DDX39B: variants seen among roughly 807,000 people sequenced by gnomAD.
DDX39B encodes the protein DExD-box helicase 39B.
Under a neutral mutation model 46.4 loss-of-function variants are expected in DDX39B, and 6 were observed. That is an observed-to-expected ratio of 0.13 (90% confidence interval 0.07 to 0.26). The LOEUF is 0.26. Among genes scored for constraint, DDX39B ranks in the 10% least tolerant of loss-of-function variants. The pLI is 1.00. For synonymous variants in DDX39B, 174 were observed against 199.4 expected (o/e 0.87, Z 1.07); for missense variants, 185 against 553.4 (o/e 0.33, Z 6.68).
chr6:31,532,684 C>A (rs1767305988), intron 7 of DDX39B, 96 bp downstream of exon 7: 3 of 1,480,994 alleles, frequency 2.0e-6, no homozygotes, highest in Non-Finnish European at 1.9e-6. Context: ...CCACATCACA[C>A]ATGTGATTTC....
rs1195587750 is a variant in DDX39B at position 31,535,345 on chromosome 6, G to C, written c.735+22C>G. 2.5e-6 allele frequency: 4 copies of C among 1,607,636 alleles called. No individual in the cohort carries two copies. The highest frequency in any genetic ancestry group is 2.2e-5 in the East Asian group (1 of 44,836). On this transcript the variant is annotated intron_variant, in intron 6 of 10. Transcript: ENST00000396172. The surrounding 1 kb of genome is among the most constrained non-coding windows in gnomAD (Gnocchi z 4.6). ...AGGCAGCGGGCGGGGAGTGGAGGGA[G>C]AGAAGGTAGAAGGGTATTTACATCT...
In DDX39B at chr6:31,535,218, TG is replaced by T. The variant is rs1767652174; in HGVS notation, c.735+148del. On this transcript the variant is annotated intron_variant, in intron 6 of 10. Transcript: ENST00000396172. The surrounding 1 kb of genome is among the most constrained non-coding windows in gnomAD (Gnocchi z 4.6). ...CCCTAACACTAGCTGTCTCTGCTTC[TG>T]TATGTCTCTTCAAGGAGTCATTACT... 1 of 751,586 alleles carries T rather than the reference TG, an allele frequency of 1.3e-6. No individual in the cohort carries two copies. The highest frequency in any genetic ancestry group is 2.0e-5 in the Admixed American group (1 of 49,526). 46.6% of individuals were successfully genotyped at this position (751,586 alleles called of 1,614,324 possible).
At chr6:31,538,243 C>T (rs1016071209) in intron 4 of DDX39B, among the ~76,000 whole-genome samples, 4 of 151,990 alleles carry the variant, frequency 2.6e-5, no homozygotes, top group African/African-American at 9.7e-5. Flanking sequence ...ACAACCTCTG[C>T]TTCCTGGGTT....
rs1767627038 is a variant in DDX39B at position 31,535,032 on chromosome 6, T to C, written c.735+335A>G. ...AGGGTGCGTGGCTGTAGGGTGCATG[T>C]AAGAGACGATGGATGGGTGGGTGGT... On this transcript the variant is annotated intron_variant, in intron 6 of 10. Coordinates refer to ENST00000396172, the MANE Select transcript of DDX39B (RefSeq NM_004640.7). This position sits in a 1 kb window ranked among gnomAD's most constrained non-coding sequence, Gnocchi z 4.6. 4 of 396,782 alleles carry C rather than the reference T, an allele frequency of 1.0e-5. No individual in the cohort carries two copies. Among genetic ancestry groups the C allele is most frequent in the Non-Finnish European group, 1.9e-5 (4 of 209,558 alleles). The allele number at this position is 396,782 out of a possible 1,614,324, so 24.6% of individuals were successfully genotyped here.
At position 31,539,288 on chromosome 6, in the gene DDX39B, G is replaced by C. The variant is rs775426504; in HGVS notation, c.212-14C>G. 3.1e-6 allele frequency: 5 copies of C among 1,606,820 alleles called. No homozygotes were observed. Among genetic ancestry groups the C allele is most frequent in the Non-Finnish European group, 4.3e-6 (5 of 1,174,900 alleles). ...ACTCATGCTGGACTAAAAGTTGGGGGGGGAGGAAGATAAATTAGACTTCAG... is the reference window on the plus strand; with the variant it reads ...ACTCATGCTGGACTAAAAGTTGGGGCGGGAGGAAGATAAATTAGACTTCAG... On this transcript the variant is annotated splice_polypyrimidine_tract_variant and intron_variant, in intron 2 of 10. Coordinates refer to ENST00000396172, the MANE Select transcript of DDX39B (RefSeq NM_004640.7).
intron 4 of DDX39B, among the ~76,000 whole-genome samples, chr6:31,537,620 GT>G (rs1767928301): frequency 6.6e-6 from 1 of 152,188 alleles, no homozygotes; most frequent in South Asian, 2.1e-4. Context: ...GTGAATAGTT[GT>G]TTGGGGATCT....
intron 1 of DDX39B, chr6:31,541,175 T>C (rs373928218): frequency 2.2e-5 from 12 of 533,538 alleles, no homozygotes; most frequent in Admixed American, 9.7e-5. Flanking sequence ...AAACATCATA[T>C]GGCCGCCGTC....
At position 31,534,871 on chromosome 6, in the gene DDX39B, G is replaced by A. The variant is rs1469909167; in HGVS notation, c.735+496C>T. The A allele has an allele frequency of 3.4e-5, 9 of 267,586 alleles. No individual in the cohort carries two copies. The highest frequency in any genetic ancestry group is 6.0e-5 in the Non-Finnish European group (8 of 134,244). 16.6% of individuals were successfully genotyped at this position (267,586 alleles called of 1,614,324 possible). A position where few individuals can be genotyped will look rare whatever the true frequency, so the allele number is the denominator to read the frequency against. On this transcript the variant is annotated intron_variant, in intron 6 of 10. Coordinates refer to ENST00000396172, the MANE Select transcript of DDX39B (RefSeq NM_004640.7). The surrounding 1 kb of genome is among the most constrained non-coding windows in gnomAD (Gnocchi z 5.1). ...CCCCCACCCCTGGAGGTGGGGAAGG[G>A]GAGGATTCATTTGTGCTGATGCTCT...
chr6:31,531,348 C>A lies in DDX39B; in HGVS notation c.925G>T (p.Glu309Ter). The A allele has an allele frequency of 6.2e-7, 1 of 1,614,146 alleles. No individual in the cohort carries two copies. The highest frequency in any genetic ancestry group is 8.5e-7 in the Non-Finnish European group (1 of 1,180,022). The change falls in exon 8 of 11, where the codon GAG (glutamate) becomes TAG (stop). Residue 309 changes from glutamate to a stop codon, truncating the protein, a stop_gained. Coordinates refer to ENST00000396172, the MANE Select transcript of DDX39B (RefSeq NM_004640.7). LOFTEE classifies it high-confidence loss of function. This position sits in a 1 kb window ranked among gnomAD's most constrained non-coding sequence, Gnocchi z 5.8. ...RCIALAQLLV[E>*]QNFPAIAIHR... is the part of the protein sequence containing the mutation. ...ATGGCAATGGCTGGGAAGTTCTGCT[C>A]CACTAGTAGCTGGGCCAAGGCAATG...
Position 31,535,337 on chromosome 6 carries a change from T to A in DDX39B, c.735+30A>T. The A allele has an allele frequency of 6.3e-7, 1 of 1,596,680 alleles. No homozygotes were observed. On this transcript the variant is annotated intron_variant, in intron 6 of 10. Transcript: ENST00000396172. This position sits in a 1 kb window ranked among gnomAD's most constrained non-coding sequence, Gnocchi z 4.6. ...AGGGGAGGAGGCAGCGGGCGGGGAGTGGAGGGAGAGAAGGTAGAAGGGTAT... is the reference window on the plus strand; with the variant it reads ...AGGGGAGGAGGCAGCGGGCGGGGAGAGGAGGGAGAGAAGGTAGAAGGGTAT...
intron 1 of DDX39B, chr6:31,541,665 A>G: frequency 4.0e-6 from 2 of 497,488 alleles, no homozygotes. Flanking sequence ...GCCGCCTCTC[A>G]TTGATGCTGA....
At chr6:31,541,441 T>C in intron 1 of DDX39B, 1 of 370,560 alleles carries the variant, frequency 2.7e-6, no homozygotes, top group Non-Finnish European at 5.5e-6. Flanking sequence ...GAGACTCCTT[T>C]TGGAGAAACA....
At chr6:31,541,266 G>T (rs77639798) in intron 1 of DDX39B, 44,441 of 525,760 alleles carry the variant, frequency 0.085, 2,426 homozygotes, top group Non-Finnish European at 0.11. Flanking sequence ...ATTAGCATGG[G>T]GGGGAGGGGC....
chr6:31,539,985 CCT>C (rs3216813), intron 2 of DDX39B, among the ~76,000 whole-genome samples: 120,243 of 151,970 alleles, frequency 0.79, 47,794 homozygotes, highest in East Asian at 0.86. Context: ...ATACTTATCC[CCT>C]GATTTTTTCT....
chr6:31,541,839 G>A (rs1413953770), intron 1 of DDX39B, 111 bp downstream of exon 1: 3 of 645,138 alleles, frequency 4.7e-6, no homozygotes, highest in Non-Finnish European at 8.6e-6. Flanking sequence ...GAACCAACTA[G>A]GCCCCAGCGA....
At chr6:31,541,807 G>A in intron 1 of DDX39B, 143 bp downstream of exon 1, 2 of 662,730 alleles carry the variant, frequency 3.0e-6, no homozygotes, top group South Asian at 1.6e-5. Flanking sequence ...CTCTCGAAAG[G>A]GATGCAAGCT....
rs796787843 is a variant in DDX39B at position 31,535,233 on chromosome 6, G to T, written c.735+134C>A. 3.3e-5 allele frequency: 27 copies of T among 809,822 alleles called. No individual in the cohort carries two copies. The African/African-American group carries it at 4.4e-4, about 13-fold the overall frequency. The allele number at this position is 809,822 out of a possible 1,614,324, so 50.2% of individuals were successfully genotyped here. ...TCTCTGCTTCTGTATGTCTCTTCAA[G>T]GAGTCATTACTCCCAGTTGGGCACA... On this transcript the variant is annotated intron_variant, in intron 6 of 10. Transcript: ENST00000396172. The surrounding 1 kb of genome is among the most constrained non-coding windows in gnomAD (Gnocchi z 4.6).
chr6:31,541,952 A>G lies in DDX39B; in HGVS notation c.-135T>C. 1 of 667,538 alleles carries G rather than the reference A, an allele frequency of 1.5e-6. No individual in the cohort carries two copies. Among genetic ancestry groups the G allele is most frequent in the Non-Finnish European group, 2.8e-6 (1 of 361,018 alleles). 41.4% of individuals were successfully genotyped at this position (667,538 alleles called of 1,614,324 possible). A position where few individuals can be genotyped will look rare whatever the true frequency, so the allele number is the denominator to read the frequency against. The stretch of plus-strand genomic sequence containing the variant: ...TTGTAGCGAAGGCCAAAGCTTACCT[A>G]AACAGGGAGAGCGCGTATGGCGGCA... On this transcript the variant is annotated splice_region_variant and 5_prime_UTR_variant, in exon 1 of 11. Transcript: ENST00000396172.
At chr6:31,541,795 T>C (rs1330345584) in intron 1 of DDX39B, 155 bp downstream of exon 1, 2 of 666,626 alleles carry the variant, frequency 3.0e-6, no homozygotes, top group East Asian at 2.9e-5. Context: ...AGGAGCTCTT[T>C]GCTCTCGAAA....
Sources: gnomAD v4.1 joint callset for allele counts (sites outside exome capture counted in the v4.1 genomes callset) on GRCh38, gnomAD v4.1.1 for gene constraint, Gnocchi (gnomAD v3.1) non-coding constraint, MANE v1.5 for transcripts, NCBI Gene and HGNC (gene_info 2026-07-23, HGNC 2026-07-21) for gene names.